The following PCM1 variants were observed in gnomAD, a reference collection of about 807,000 sequenced individuals.
PCM1 encodes pericentriolar material 1, also known as pericentriolar material 1 protein.
A neutral mutation model predicts 241.9 loss-of-function variants in PCM1; 157 were observed. The observed-to-expected ratio is 0.65, with a 90% CI of 0.57 to 0.74. The LOEUF (loss-of-function observed/expected upper bound fraction) is 0.74, where lower values mean the gene tolerates loss of function less well. Among genes scored for constraint, PCM1 ranks in the 30% least tolerant of loss-of-function variants. PCM1 has a pLI of 0.00. For missense variants in PCM1, 3,478 were observed against 2,360.1 expected, an observed-to-expected ratio of 1.47 and a Z score of -9.81; for synonymous variants, 1,085 against 784.9, an observed-to-expected ratio of 1.38 and a Z score of -6.39.
At chr8:17,989,651 C>G (rs951292477) in intron 26 of PCM1, among the ~76,000 whole-genome samples, 1 of 152,068 alleles carries the variant, frequency 6.6e-6, no homozygotes, top group Non-Finnish European at 1.5e-5. Context: ...TTCTGCAAGG[C>G]TACTTATATC....
At chr8:17,955,386 T>A (rs2067819920) in intron 9 of PCM1, 84 bp from the exon 10 acceptor site, 1 of 924,898 alleles carries the variant, frequency 1.1e-6, no homozygotes, top group South Asian at 2.1e-5. Context: ...TACTTTTTAG[T>A]TTTCAATATC....
chr8:18,017,616 G>A (rs999282684), intron 36 of PCM1, among the ~76,000 whole-genome samples: 1 of 152,202 alleles, frequency 6.6e-6, no homozygotes, highest in Non-Finnish European at 1.5e-5. Flanking sequence ...CCCTTTGGGA[G>A]GCCAAGGCAG....
intron 2 of PCM1, among the ~76,000 whole-genome samples, chr8:17,928,551 G>A (rs1010706050): frequency 6.2e-5 from 9 of 144,634 alleles, no homozygotes; most frequent in African/African-American, 2.1e-4. Flanking sequence ...AATGGCCCCC[G>A]CTTTCTCAGA....
rs747218605 is a variant in PCM1, at chr8:17,966,237, G to C, written c.3075+19G>C. ...CCAGCAGGTAAAATTTGCTATGAAA[G>C]TATATTTTTCGTCTATTTTTATAAC... On this transcript the variant is annotated intron_variant, in intron 19 of 38. Transcript: ENST00000325083. 2.5e-5 allele frequency: 41 copies of C among 1,609,796 alleles called. No individual in the cohort carries two copies. Among genetic ancestry groups the C allele is most frequent in the Non-Finnish European group, 3.1e-5 (37 of 1,176,762 alleles).
intron 36 of PCM1, chr8:18,024,993 GAA>G (rs2094073506): frequency 6.2e-6 from 1 of 162,584 alleles, no homozygotes; most frequent in African/African-American, 2.4e-5. Flanking sequence ...TTGATACACT[GAA>G]AAGTTTGTAA....
chr8:17,938,388 C>G (rs767862027), intron 4 of PCM1, among the ~76,000 whole-genome samples: 3 of 152,066 alleles, frequency 2.0e-5, no homozygotes, highest in South Asian at 2.1e-4. Flanking sequence ...TAAGATATAT[C>G]TCATGTTTAT....
At chr8:17,956,471 T>C (rs781500672) in intron 10 of PCM1, 133 bp from the exon 11 acceptor site, 8 of 621,364 alleles carry the variant, frequency 1.3e-5, no homozygotes, top group Non-Finnish European at 2.3e-5. Flanking sequence ...TCATACCCCC[T>C]GGAGAGTTCA....
intron 36 of PCM1, among the ~76,000 whole-genome samples, chr8:18,015,263 A>C (rs34011064): frequency 0.046 from 7,057 of 152,036 alleles, 204 homozygotes; most frequent in South Asian, 0.1. Context: ...AAAAAAAAAA[A>C]AACTAGGAAA....
At chr8:17,977,764 A>AT (rs2079268219) in intron 23 of PCM1, among the ~76,000 whole-genome samples, 1 of 152,130 alleles carries the variant, frequency 6.6e-6, no homozygotes, top group Admixed American at 6.5e-5. Context: ...AGTAGAGAAG[A>AT]TTCCTCTCAT....
At chr8:17,938,696 A>T (rs118127336) in intron 4 of PCM1, 44 bp from the exon 5 acceptor site, 37 of 1,506,570 alleles carry the variant, frequency 2.5e-5, no homozygotes, top group Non-Finnish European at 3.3e-5. Flanking sequence ...AAATTTTGTC[A>T]TAAGGTTAAT....
In PCM1 at chr8:17,972,640, G is replaced by A. The variant is rs562478398; in HGVS notation, c.3896G>A (p.Ser1299Asn). The change falls in exon 23 of 39, where the codon AGT becomes AAT. Residue 1299 changes from serine (S) to asparagine (N), a missense_variant. Physicochemically the swap from Ser to Asn is conservative, Grantham distance 46. Coordinates refer to ENST00000325083, the MANE Select transcript of PCM1 (RefSeq NM_006197.4). ...ASKDKTPKSKSKKRNSTQLKS... is the reference protein window; with the variant it reads ...ASKDKTPKSKNKKRNSTQLKS... ...AAAGATAAAACTCCCAAGTCAAAAA[G>A]TAAGAAGAGGAATTCTACTCAGCTG... is the stretch of plus-strand genomic sequence containing the variant. The A allele has an allele frequency of 1.3e-6, 2 of 1,580,370 alleles. No homozygotes were observed. Among genetic ancestry groups the A allele is most frequent in the Non-Finnish European group, 1.7e-6 (2 of 1,167,550 alleles).
chr8:17,976,207 A>T (rs2078715867), intron 23 of PCM1, among the ~76,000 whole-genome samples: 1 of 152,238 alleles, frequency 6.6e-6, no homozygotes, highest in East Asian at 1.9e-4. Context: ...TTAGACAGTT[A>T]TTAATTACTT....
intron 24 of PCM1, among the ~76,000 whole-genome samples, chr8:17,981,362 G>A (rs1453249955): frequency 2.6e-5 from 4 of 152,150 alleles, no homozygotes; most frequent in African/African-American, 9.7e-5. Flanking sequence ...TCTAATCCAA[G>A]CTAGGATAGT....
intron 7 of PCM1, among the ~76,000 whole-genome samples, chr8:17,948,959 C>G (rs1361916307): frequency 6.6e-6 from 1 of 152,160 alleles, no homozygotes; most frequent in Non-Finnish European, 1.5e-5. Context: ...AGAAGGAACT[C>G]TACAGAGTTT....
At chr8:18,006,798 G>C (rs2091457813) in intron 30 of PCM1, among the ~76,000 whole-genome samples, 1 of 152,114 alleles carries the variant, frequency 6.6e-6, no homozygotes, top group Non-Finnish European at 1.5e-5. Context: ...GACTTTTTAG[G>C]GTGTACCAGT....
At chr8:17,956,836 T>G in intron 11 of PCM1, 59 bp downstream of exon 11, 1 of 1,287,932 alleles carries the variant, frequency 7.8e-7, no homozygotes. Context: ...ATACTTATAA[T>G]GTGGGAACAA....
Position 18,014,790 on chromosome 8 carries a change from T to C in PCM1, c.5791T>C (p.Ser1931Pro). The change falls in exon 36 of 39, where the codon TCT becomes CCT. Residue 1931 changes from serine (S) to proline (P), a missense_variant. Coordinates refer to ENST00000325083, the MANE Select transcript of PCM1 (RefSeq NM_006197.4). ...VKSAQETPES[S>P]LAGSPDTESP... ...ATCTGCTCAGGAAACTCCTGAAAGC[T>C]CTCTGGCTGGAAGTCCTGATACTGA... 1.2e-6 allele frequency: 2 copies of C among 1,607,162 alleles called. No individual in the cohort carries two copies. The highest frequency in any genetic ancestry group is 1.7e-6 in the Non-Finnish European group (2 of 1,178,848).
At chr8:17,982,086 A>G (rs999661536) in intron 24 of PCM1, among the ~76,000 whole-genome samples, 3 of 152,190 alleles carry the variant, frequency 2.0e-5, no homozygotes, top group East Asian at 1.9e-4. Context: ...GAAACATCAC[A>G]TTTGTTTGCA....
At chr8:17,967,287 C>A (rs2075230241) in intron 21 of PCM1, 117 bp downstream of exon 21, 2 of 665,388 alleles carry the variant, frequency 3.0e-6, no homozygotes, top group Non-Finnish European at 4.8e-6. Context: ...GAAATGTTTG[C>A]AAAGAAAGTT....
Sources: gnomAD v4.1 joint callset for allele counts (sites outside exome capture counted in the v4.1 genomes callset) on GRCh38, gnomAD v4.1.1 for gene constraint, MANE v1.5 for transcripts, NCBI Gene and HGNC (gene_info 2026-07-23, HGNC 2026-07-21) for gene names.